CA10: variants seen among roughly 807,000 people sequenced by gnomAD.
CA10 encodes the protein carbonic anhydrase 10 (inactive), also known as carbonic anhydrase-related protein 10.
Under a neutral mutation model 44.2 loss-of-function variants are expected in CA10, and 14 were observed. The ratio of observed to expected loss-of-function variants is 0.32; its 90% CI spans 0.21 to 0.50. CA10 has a LOEUF of 0.50. Ranked by LOEUF, CA10 falls within the 20% of genes least tolerant of loss-of-function variation. The probability of loss-of-function intolerance (pLI) is 0.99; values close to 1 mark genes in which losing one functional copy is unlikely to be tolerated. For missense variants in CA10, 350 were observed against 409.7 expected (o/e 0.85, Z 1.26); for synonymous variants, 159 against 141.6 (o/e 1.12, Z -0.87).
intron 4 of CA10, among the ~76,000 whole-genome samples, chr17:51,717,710 C>CATAT (rs1224460660): frequency 4.0e-5 from 1 of 25,094 alleles, no homozygotes; most frequent in Non-Finnish European, 8.7e-5. Context: ...TGTATATATA[C>CATAT]ATATATACGT....
intron 4 of CA10, among the ~76,000 whole-genome samples, chr17:51,724,854 T>C (rs2143541342): frequency 6.6e-6 from 1 of 152,218 alleles, no homozygotes; most frequent in East Asian, 1.9e-4. Flanking sequence ...CGCAGCACAT[T>C]GGTGTGAGTC....
chr17:51,886,269 T>C (rs1331224698), intron 3 of CA10, among the ~76,000 whole-genome samples: 1 of 152,156 alleles, frequency 6.6e-6, no homozygotes, highest in Non-Finnish European at 1.5e-5. Flanking sequence ...CTATAAAAAC[T>C]GCACCTTCCA....
At chr17:51,703,271 A>G (rs1388933455) in intron 4 of CA10, among the ~76,000 whole-genome samples, 1 of 152,204 alleles carries the variant, frequency 6.6e-6, no homozygotes, top group Non-Finnish European at 1.5e-5. Flanking sequence ...TTCTTTGTTC[A>G]TTAGTTATAG....
chr17:51,906,379 T>G (rs111316257), intron 3 of CA10, among the ~76,000 whole-genome samples: 1,576 of 152,208 alleles, frequency 0.01, 30 homozygotes, highest in African/African-American at 0.036. Flanking sequence ...AACTTTGTTC[T>G]TCTTTTGGCT....
chr17:51,647,180 C>T (rs7207366), intron 6 of CA10, among the ~76,000 whole-genome samples: 35,716 of 151,976 alleles, frequency 0.24, 4,291 homozygotes, highest in East Asian at 0.37. Flanking sequence ...GCTCAAGATC[C>T]GGCTCCAGAA....
At chr17:51,812,252 G>T (rs1469412954) in intron 3 of CA10, among the ~76,000 whole-genome samples, 1 of 152,142 alleles carries the variant, frequency 6.6e-6, no homozygotes, top group Non-Finnish European at 1.5e-5. Context: ...GACATTTAAA[G>T]ATATTAAAAA....
At chr17:52,127,656 A>ACAT (rs1395509389) in intron 1 of CA10, among the ~76,000 whole-genome samples, 4 of 152,202 alleles carry the variant, frequency 2.6e-5, no homozygotes, top group African/African-American at 9.6e-5. Flanking sequence ...TTATGAACAT[A>ACAT]CATTCAGTAG....
intron 4 of CA10, among the ~76,000 whole-genome samples, chr17:51,745,372 G>A (rs1040711136): frequency 1.3e-5 from 2 of 152,074 alleles, no homozygotes; most frequent in Admixed American, 6.6e-5. Flanking sequence ...TTTTGACAAG[G>A]CTTCCCAGTT....
At chr17:51,675,733 C>CA (rs1416226329) in intron 4 of CA10, among the ~76,000 whole-genome samples, 2 of 151,520 alleles carry the variant, frequency 1.3e-5, no homozygotes, top group South Asian at 2.1e-4. Context: ...AAAACAAAAA[C>CA]AAAAAACACA....
intron 3 of CA10, among the ~76,000 whole-genome samples, chr17:51,849,163 GTATATATA>G (rs199891093): frequency 1.1e-5 from 1 of 90,264 alleles, no homozygotes; most frequent in African/African-American, 3.8e-5. Context: ...ATACATATAT[GTATATATA>G]TATACATATA....
intron 1 of CA10, among the ~76,000 whole-genome samples, chr17:52,076,499 A>G (rs1310687826): frequency 6.6e-6 from 1 of 152,198 alleles, no homozygotes; most frequent in Non-Finnish European, 1.5e-5. Flanking sequence ...GAAGAACCAA[A>G]TTCACCCTCC....
chr17:51,802,654 A>G (rs1201148021), intron 3 of CA10, among the ~76,000 whole-genome samples: 1 of 151,402 alleles, frequency 6.6e-6, no homozygotes, highest in Non-Finnish European at 1.5e-5. Flanking sequence ...AGTTGGGAGG[A>G]AGGTTGCTGA....
At chr17:51,979,521 T>G (rs1228509020) in intron 2 of CA10, among the ~76,000 whole-genome samples, 1 of 152,156 alleles carries the variant, frequency 6.6e-6, no homozygotes, top group African/African-American at 2.4e-5. Context: ...TGTTGTTTTC[T>G]TCTTTGTGTT....
At chr17:51,733,940 G>A (rs1269217020) in intron 4 of CA10, among the ~76,000 whole-genome samples, 1 of 152,092 alleles carries the variant, frequency 6.6e-6, no homozygotes, top group Non-Finnish European at 1.5e-5. Context: ...ATTAATCACA[G>A]GGGCGTTTTA....
intron 2 of CA10, among the ~76,000 whole-genome samples, chr17:52,009,239 A>C (rs573522864): frequency 6.6e-6 from 1 of 152,014 alleles, no homozygotes; most frequent in Admixed American, 6.6e-5. Flanking sequence ...TCTATACCAT[A>C]AGACAGTGAT....
chr17:51,908,920 C>T (rs990474345), intron 3 of CA10, among the ~76,000 whole-genome samples: 17 of 152,068 alleles, frequency 1.1e-4, no homozygotes, highest in Non-Finnish European at 2.1e-4. Flanking sequence ...AATCTGATAT[C>T]GACACAAAGA....
chr17:52,062,065 C>CTTTTT (rs56369087), intron 2 of CA10, among the ~76,000 whole-genome samples: 4 of 115,790 alleles, frequency 3.5e-5, no homozygotes, highest in African/African-American at 6.7e-5. Flanking sequence ...GGTGTGGCCA[C>CTTTTT]TTTTTTTTTT....
intron 4 of CA10, among the ~76,000 whole-genome samples, chr17:51,687,294 C>T (rs77130729): frequency 0.076 from 11,562 of 152,150 alleles, 1,495 homozygotes; most frequent in African/African-American, 0.26. Context: ...AAAATGTCTC[C>T]TTCTTAGATC....
chr17:52,116,180 C>T (rs1297798061), intron 1 of CA10, among the ~76,000 whole-genome samples: 1 of 152,072 alleles, frequency 6.6e-6, no homozygotes, highest in East Asian at 1.9e-4. Context: ...TCCAGTCCTG[C>T]ACTTAAACTA....
Sources: allele counts gnomAD v4.1 joint callset (sites outside exome capture counted in the v4.1 genomes callset), GRCh38; gene constraint gnomAD v4.1.1; transcripts MANE v1.5; gene names NCBI Gene and HGNC (gene_info 2026-07-23, HGNC 2026-07-21).